The following PSME3IP1 variants were observed in gnomAD, a reference collection of about 807,000 sequenced individuals.
The protein encoded by PSME3IP1 is PSME3-interacting protein.
A neutral mutation model predicts 34.1 loss-of-function variants in PSME3IP1; 13 were observed. That is an observed-to-expected ratio of 0.38 (90% confidence interval 0.25 to 0.61). PSME3IP1 has a LOEUF of 0.61. PSME3IP1 is among the 20% of genes least tolerant of loss of function. The pLI is 0.60. For synonymous variants in PSME3IP1, 93 were observed against 114.3 expected, an observed-to-expected ratio of 0.81 and a Z score of 1.19; for missense variants, 237 against 301.4, an observed-to-expected ratio of 0.79 and a Z score of 1.58.
Position 57,154,633 on chromosome 16 carries a change from G to T in PSME3IP1, c.548-126C>A. 1 of 727,232 alleles carries T rather than the reference G, an allele frequency of 1.4e-6. No homozygotes were observed. Among genetic ancestry groups the T allele is most frequent in the South Asian group, 2.1e-5 (1 of 47,564 alleles). The allele number at this position is 727,232 out of a possible 1,614,324, so 45.0% of individuals were successfully genotyped here. On this transcript the variant is annotated intron_variant, in intron 6 of 6. Transcript: ENST00000309137. This position sits in a 1 kb window ranked among gnomAD's most constrained non-coding sequence, Gnocchi z 4.0. ...AGGAGCCTTAGAACAATGCTATGCA[G>T]CCAATACTATCATCACCCTCGTTTT...
chr16:57,153,955 A>G lies in PSME3IP1; in HGVS notation c.*335T>C. On this transcript the variant is annotated 3_prime_UTR_variant, in exon 7 of 7. Coordinates refer to ENST00000309137, the MANE Select transcript of PSME3IP1 (RefSeq NM_024946.4). Reference sequence around the variant, plus strand: ...TCGGGAAAAGAAAAAACAGAAAGCAATAAAACCCAAACCCTTTGGCAAGCC... The same window carrying G: ...TCGGGAAAAGAAAAAACAGAAAGCAGTAAAACCCAAACCCTTTGGCAAGCC... The G allele has an allele frequency of 3.5e-6, 1 of 287,294 alleles. No individual in the cohort carries two copies. The highest frequency in any genetic ancestry group is 6.6e-6 in the Non-Finnish European group (1 of 151,438). The allele number at this position is 287,294 out of a possible 1,614,324, so 17.8% of individuals were successfully genotyped here.
Position 57,154,087 on chromosome 16 carries a change from G to GCAGTGGAGTAGAAAGAGGAAC in PSME3IP1, c.*182_*202dup. 1.8e-6 allele frequency: 1 copy of GCAGTGGAGTAGAAAGAGGAAC among 568,864 alleles called. No homozygotes were observed. Among genetic ancestry groups the GCAGTGGAGTAGAAAGAGGAAC allele is most frequent in the East Asian group, 3.0e-5 (1 of 33,202 alleles). The allele number at this position is 568,864 out of a possible 1,614,324, so 35.2% of individuals were successfully genotyped here. On this transcript the variant is annotated 3_prime_UTR_variant, in exon 7 of 7. Transcript: ENST00000309137. The surrounding 1 kb of genome is among the most constrained non-coding windows in gnomAD (Gnocchi z 4.0). ...GGCAGCGGGACAGGTTTGGTCATCTGCAGTGGAGTAGAAAGAGGAACCAAA... is the reference window on the plus strand; with the variant it reads ...GGCAGCGGGACAGGTTTGGTCATCTGCAGTGGAGTAGAAAGAGGAACCAGTGGAGTAGAAAGAGGAACCAAA...
intron 6 of PSME3IP1, among the ~76,000 whole-genome samples, chr16:57,160,335 ATG>A (rs140028571): frequency 2.0e-5 from 3 of 151,880 alleles, no homozygotes; most frequent in African/African-American, 7.2e-5. Context: ...ATGAAGCTTT[ATG>A]TGTGTGTGTG....
At chr16:57,177,154 C>T (rs1330120723) in intron 1 of PSME3IP1, among the ~76,000 whole-genome samples, 1 of 152,080 alleles carries the variant, frequency 6.6e-6, no homozygotes, top group Non-Finnish European at 1.5e-5. Context: ...TGCACCCGGC[C>T]TATATTTTTA....
chr16:57,167,515 A>G (rs1199100016), intron 4 of PSME3IP1, among the ~76,000 whole-genome samples: 1 of 152,226 alleles, frequency 6.6e-6, no homozygotes, highest in Middle Eastern at 3.2e-3. Context: ...CATGGCCAAT[A>G]TCATGCTTGA....
chr16:57,153,625 A>G lies in PSME3IP1; in HGVS notation c.*665T>C, dbSNP rs1420745239. The G allele has an allele frequency of 6.6e-6, 1 of 152,246 alleles. No homozygotes were observed. 9.4% of individuals were successfully genotyped at this position (152,246 alleles called of 1,614,324 possible). On this transcript the variant is annotated 3_prime_UTR_variant, in exon 7 of 7. Transcript: ENST00000309137. ...GGTTTGAGATGGAAGCGTTCTTGTT[A>G]GCAGTCCCTTCCTGCATAAATGGGG...
intron 4 of PSME3IP1, among the ~76,000 whole-genome samples, chr16:57,169,295 T>G (rs1424708517): frequency 6.6e-6 from 1 of 152,236 alleles, no homozygotes; most frequent in Non-Finnish European, 1.5e-5. Context: ...AGAGTTCTGT[T>G]ATTTACATGG....
intron 4 of PSME3IP1, among the ~76,000 whole-genome samples, chr16:57,167,598 C>T (rs1181479258): frequency 6.6e-6 from 1 of 152,152 alleles, no homozygotes; most frequent in Admixed American, 6.5e-5. Flanking sequence ...ACATGCTTCC[C>T]CCTTCAAGGG....
chr16:57,168,277 G>A (rs2072139785), intron 4 of PSME3IP1, among the ~76,000 whole-genome samples: 1 of 152,154 alleles, frequency 6.6e-6, no homozygotes, highest in Non-Finnish European at 1.5e-5. Context: ...ATTTATCTAC[G>A]TGTCTTTGAA....
At chr16:57,182,551 TAAAAA>T (rs10717048) in intron 1 of PSME3IP1, among the ~76,000 whole-genome samples, 1 of 76,756 alleles carries the variant, frequency 1.3e-5, no homozygotes, top group African/African-American at 5.4e-5. Context: ...CCATTTCCCT[TAAAAA>T]AAAAAAAAAA....
intron 1 of PSME3IP1, chr16:57,178,504 A>G: frequency 1.0e-6 from 1 of 978,170 alleles, no homozygotes; most frequent in Non-Finnish European, 1.2e-6. Flanking sequence ...ATACTTACTG[A>G]ATAAACCAAC....
At chr16:57,171,254 G>A (rs1003693586) in intron 4 of PSME3IP1, among the ~76,000 whole-genome samples, 1 of 152,190 alleles carries the variant, frequency 6.6e-6, no homozygotes, top group Non-Finnish European at 1.5e-5. Flanking sequence ...AGAAAGCATG[G>A]TGAAAGAGAA....
chr16:57,172,844 G>C lies in PSME3IP1; in HGVS notation c.158C>G (p.Ser53Cys), dbSNP rs1409960923. Residue 53 changes from serine to cysteine, a missense_variant, in exon 3 of 7, where the codon TCT becomes TGT. By Grantham distance (112) the Ser-to-Cys change is moderately radical. Transcript: ENST00000309137. The part of the protein sequence containing the change: ...ECPEEVYDPR[S>C]LYERLQEQKD... ...CTGTTCCTGTAGCCTTTCATATAGA[G>C]ATCGAGGGTCATAAACCTCCTCTGG... The C allele has an allele frequency of 1.2e-6, 2 of 1,613,300 alleles. No homozygotes were observed. The highest frequency in any genetic ancestry group is 1.7e-6 in the Non-Finnish European group (2 of 1,179,342).
At chr16:57,172,934 T>G (rs1477876702) in intron 2 of PSME3IP1, 60 bp from the exon 3 acceptor site, 2 of 1,082,986 alleles carry the variant, frequency 1.8e-6, no homozygotes, top group African/African-American at 3.1e-5. Flanking sequence ...CTTCAGATTG[T>G]TTTCATATTA....
At chr16:57,169,468 G>A (rs2072304009) in intron 4 of PSME3IP1, among the ~76,000 whole-genome samples, 1 of 152,100 alleles carries the variant, frequency 6.6e-6, no homozygotes, top group Admixed American at 6.6e-5. Context: ...TGCATGCTTG[G>A]GATTAGTGTA....
At chr16:57,181,183 T>C (rs2073675273) in intron 1 of PSME3IP1, among the ~76,000 whole-genome samples, 3 of 152,200 alleles carry the variant, frequency 2.0e-5, no homozygotes, top group African/African-American at 7.2e-5. Flanking sequence ...TAAATATCGG[T>C]TCCCTTAGCT....
chr16:57,172,871 C>T lies in PSME3IP1; in HGVS notation c.131G>A (p.Cys44Tyr), dbSNP rs755335453. 1 of 1,601,892 alleles carries T rather than the reference C, an allele frequency of 6.2e-7. No individual in the cohort carries two copies. The highest frequency in any genetic ancestry group is 8.6e-7 in the Non-Finnish European group (1 of 1,168,994). ...TCGAGGGTCATAAACCTCCTCTGGA[C>T]ATTCTGAAAGGAAAAGGAGAGGGGA... is the stretch of plus-strand genomic sequence containing the variant. ...KVRKPEDPEE[C>Y]PEEVYDPRSL... The change falls in exon 3 of 7, where the codon TGT becomes TAT. Residue 44 changes from cysteine to tyrosine, a missense_variant. Cys to Tyr is a radical substitution (Grantham distance 194). Coordinates refer to ENST00000309137, the MANE Select transcript of PSME3IP1 (RefSeq NM_024946.4).
chr16:57,165,123 G>A (rs1255714558), intron 5 of PSME3IP1, among the ~76,000 whole-genome samples: 1 of 151,286 alleles, frequency 6.6e-6, no homozygotes, highest in Non-Finnish European at 1.5e-5. Context: ...TGACAAAAGA[G>A]AAACATATTT....
intron 4 of PSME3IP1, among the ~76,000 whole-genome samples, chr16:57,169,612 G>A (rs1172185083): frequency 6.6e-6 from 1 of 152,162 alleles, no homozygotes; most frequent in African/African-American, 2.4e-5. Context: ...GGTTTCTTTT[G>A]TCTCACTGCT....
Sources: allele counts gnomAD v4.1 joint callset (sites outside exome capture counted in the v4.1 genomes callset), GRCh38; gene constraint gnomAD v4.1.1; non-coding constraint Gnocchi (gnomAD v3.1); transcripts MANE v1.5; gene names NCBI Gene and HGNC (gene_info 2026-07-23, HGNC 2026-07-21).